Variants in TMEM132C observed in about 807,000 individuals in gnomAD.
TMEM132C encodes protein phosphatase 1, regulatory subunit 152.
Under a neutral mutation model 61.4 loss-of-function variants are expected in TMEM132C, and 29 were observed. The ratio of observed to expected loss-of-function variants is 0.47; its 90% CI spans 0.35 to 0.64. The LOEUF (loss-of-function observed/expected upper bound fraction) is 0.64, where lower values mean the gene tolerates loss of function less well. Ranked by LOEUF, TMEM132C falls within the 30% of genes least tolerant of loss-of-function variation. The pLI is 0.00. For synonymous variants in TMEM132C, 656 were observed against 633.1 expected, an observed-to-expected ratio of 1.04 and a Z score of -0.54; for missense variants, 1,408 against 1,476.9, an observed-to-expected ratio of 0.95 and a Z score of 0.76.
At chr12:128,571,221 TAACC>T (rs1475407972) in intron 3 of TMEM132C, among the ~76,000 whole-genome samples, 7 of 152,232 alleles carry the variant, frequency 4.6e-5, no homozygotes, top group Admixed American at 6.5e-5. Flanking sequence ...GTCACCGAAT[TAACC>T]AACCCTTATT....
intron 3 of TMEM132C, among the ~76,000 whole-genome samples, chr12:128,597,106 G>A (rs1289873853): frequency 6.6e-6 from 1 of 152,108 alleles, no homozygotes; most frequent in Admixed American, 6.6e-5. Context: ...TTAACCAGTT[G>A]GCTATATACC....
chr12:128,595,573 G>A (rs755628562), intron 3 of TMEM132C, among the ~76,000 whole-genome samples: 9 of 152,222 alleles, frequency 5.9e-5, no homozygotes, highest in Non-Finnish European at 1.3e-4. Context: ...GACCCATGCG[G>A]TGAAGAGGAG....
intron 3 of TMEM132C, among the ~76,000 whole-genome samples, chr12:128,581,801 A>T (rs1875346441): frequency 6.6e-6 from 1 of 152,234 alleles, no homozygotes; most frequent in Non-Finnish European, 1.5e-5. Flanking sequence ...TTTTATTCAG[A>T]TTCCCCGAAG....
At chr12:128,606,812 G>C (rs1167657640) in intron 3 of TMEM132C, among the ~76,000 whole-genome samples, 1 of 152,114 alleles carries the variant, frequency 6.6e-6, no homozygotes. Context: ...TCGGTTCCAG[G>C]GGCCTCTCTT....
At chr12:128,320,544 T>A (rs1565900323) in intron 1 of TMEM132C, among the ~76,000 whole-genome samples, 2 of 152,060 alleles carry the variant, frequency 1.3e-5, no homozygotes, top group Non-Finnish European at 2.9e-5. Flanking sequence ...GGCAGGAGGA[T>A]CGCTTAAGCC....
chr12:128,621,656 C>T (rs1332922021), intron 4 of TMEM132C, among the ~76,000 whole-genome samples: 1 of 152,216 alleles, frequency 6.6e-6, no homozygotes, highest in African/African-American at 2.4e-5. Flanking sequence ...TTCGGGAGCC[C>T]TGGGACACAA....
chr12:128,426,938 T>C (rs10847617), intron 2 of TMEM132C, among the ~76,000 whole-genome samples: 18,690 of 152,246 alleles, frequency 0.12, 1,561 homozygotes, highest in South Asian at 0.34. Context: ...GCTTTGTCTG[T>C]TGTGAAAGAT....
At chr12:128,506,148 A>G (rs1231465863) in intron 2 of TMEM132C, among the ~76,000 whole-genome samples, 2 of 152,168 alleles carry the variant, frequency 1.3e-5, no homozygotes, top group African/African-American at 4.8e-5. Context: ...TGTGGCTTTT[A>G]TACCCATGGT....
chr12:128,663,715 ATG>A lies in TMEM132C; in HGVS notation c.1306-5693_1306-5692del, dbSNP rs1185397403. The stretch of plus-strand genomic sequence containing the variant: ...TGTGCCTGCATGTATGCGTGTGTGT[ATG>A]TGTGTGTGCTTGTGTTTGTATATGT... On this transcript the variant is annotated intron_variant, in intron 4 of 8. Transcript: ENST00000435159. Among the ~76,000 whole-genome samples, 10 of 141,490 alleles carry A rather than the reference ATG, an allele frequency of 7.1e-5. No homozygotes were observed. The South Asian group carries it at 1.1e-3, about 15-fold the overall frequency. 92.8% of individuals were successfully genotyped at this position (141,490 alleles called of 152,430 possible).
At chr12:128,565,061 G>T (rs1361121618) in intron 3 of TMEM132C, among the ~76,000 whole-genome samples, 2 of 152,234 alleles carry the variant, frequency 1.3e-5, no homozygotes, top group Non-Finnish European at 2.9e-5. Context: ...CCACTCCCAT[G>T]ATTAGGTGGC....
chr12:128,482,458 A>G (rs1446757402), intron 2 of TMEM132C, among the ~76,000 whole-genome samples: 4 of 152,108 alleles, frequency 2.6e-5, no homozygotes, highest in African/African-American at 7.2e-5. Context: ...TGTCTCTGTC[A>G]GGTTTGGGTA....
chr12:128,590,566 T>C (rs1257823414), intron 3 of TMEM132C, among the ~76,000 whole-genome samples: 1 of 152,122 alleles, frequency 6.6e-6, no homozygotes, highest in East Asian at 1.9e-4. Flanking sequence ...GCCACCCGAT[T>C]CCTCTGGCCA....
At chr12:128,654,559 T>C (rs1355031738) in intron 4 of TMEM132C, among the ~76,000 whole-genome samples, 1 of 152,172 alleles carries the variant, frequency 6.6e-6, no homozygotes, top group Non-Finnish European at 1.5e-5. Flanking sequence ...ATGTATACAA[T>C]AGTGCATTGC....
intron 1 of TMEM132C, among the ~76,000 whole-genome samples, chr12:128,327,678 C>T (rs543087988): frequency 1.6e-4 from 24 of 152,058 alleles, no homozygotes; most frequent in South Asian, 4.2e-4. Flanking sequence ...CCACTGCGCC[C>T]GGCTGCAGCT....
intron 3 of TMEM132C, among the ~76,000 whole-genome samples, chr12:128,587,459 G>A (rs917247825): frequency 1.3e-5 from 2 of 152,106 alleles, no homozygotes; most frequent in African/African-American, 2.4e-5. Context: ...TAATCACCTC[G>A]CTAAAACCTC....
intron 2 of TMEM132C, among the ~76,000 whole-genome samples, chr12:128,427,428 G>GTGTGTGTGTGTGTGTGTA (rs1359402190): frequency 1.5e-4 from 19 of 129,270 alleles, no homozygotes; most frequent in South Asian, 1.2e-3. Context: ...GTGTGTGTGT[G>GTGTGTGTGTGTGTGTGTA]TATATATATT....
At position 128,696,998 on chromosome 12, in the gene TMEM132C, T is replaced by G. The variant is rs543078747; in HGVS notation, c.1930-226T>G. On this transcript the variant is annotated intron_variant, in intron 7 of 8. Transcript: ENST00000435159. The stretch of plus-strand genomic sequence containing the variant: ...AAGACAGAATGGATTTTAATATCTA[T>G]TCCAATTTTTTAACAGGTAGAATTA... Among the ~76,000 whole-genome samples, 23 of 152,340 alleles carry G rather than the reference T, an allele frequency of 1.5e-4. 2 individuals carry two copies. The highest frequency in any genetic ancestry group is 5.3e-4 in the African/African-American group (22 of 41,580).
intron 2 of TMEM132C, among the ~76,000 whole-genome samples, chr12:128,529,349 G>T (rs1873201634): frequency 6.6e-6 from 1 of 151,896 alleles, no homozygotes; most frequent in Non-Finnish European, 1.5e-5. Flanking sequence ...AAGGATACAA[G>T]AAAAAATTAA....
intron 4 of TMEM132C, among the ~76,000 whole-genome samples, chr12:128,665,534 A>G (rs983264800): frequency 3.2e-5 from 4 of 123,834 alleles, no homozygotes; most frequent in African/African-American, 1.2e-4. Flanking sequence ...CACATACACA[A>G]ATGCAGGCGC....
Sources: allele counts gnomAD v4.1 joint callset (sites outside exome capture counted in the v4.1 genomes callset), GRCh38; gene constraint gnomAD v4.1.1; transcripts MANE v1.5; gene names NCBI Gene and HGNC (gene_info 2026-07-23, HGNC 2026-07-21).